Variants in PDE11A observed in about 807,000 individuals in gnomAD.
The protein encoded by PDE11A is dual 3',5'-cyclic-AMP and -GMP phosphodiesterase 11A.
PDE11A carries 100 observed loss-of-function variants against 100.5 expected under a neutral mutation model. The ratio of observed to expected loss-of-function variants is 1.00; its 90% CI spans 0.85 to 1.18. The LOEUF is 1.18. PDE11A is among the 50% of genes most tolerant of loss of function. The pLI, the probability that PDE11A is intolerant of heterozygous loss-of-function variation, is 0.00. For synonymous variants in PDE11A, 381 were observed against 420.8 expected (o/e 0.91, Z 1.16); for missense variants, 1,141 against 1,152.6 (o/e 0.99, Z 0.15).
intron 5 of PDE11A, among the ~76,000 whole-genome samples, chr2:177,875,034 G>A (rs1162373274): frequency 6.6e-6 from 1 of 152,074 alleles, no homozygotes; most frequent in Admixed American, 6.6e-5. Flanking sequence ...AACCAGCCTG[G>A]CCAACATGGT....
rs148622401 is a variant in PDE11A, at chr2:177,637,332, G to A, written c.2647-7770C>T. On this transcript the variant is annotated intron_variant, in intron 19 of 19. Transcript: ENST00000286063. ...TCCTTCCCTAGAGAACTAATCCTTC[G>A]CCACTCAGCTCACATTCTGTCTTCT... 1.6e-3 allele frequency among the ~76,000 whole-genome samples: 238 copies of A among 152,080 alleles called. 1 individual carries two copies. Among genetic ancestry groups the A allele is most frequent in the Middle Eastern group, 3.4e-3 (1 of 294 alleles).
At chr2:177,781,256 T>C (rs1426859766) in intron 9 of PDE11A, among the ~76,000 whole-genome samples, 2 of 152,160 alleles carry the variant, frequency 1.3e-5, no homozygotes, top group African/African-American at 4.8e-5. Flanking sequence ...ATTTATCAAT[T>C]AAGTTTACCG....
intron 19 of PDE11A, among the ~76,000 whole-genome samples, chr2:177,634,100 A>G (rs1308815113): frequency 6.6e-6 from 1 of 152,170 alleles, no homozygotes; most frequent in Non-Finnish European, 1.5e-5. Context: ...CATGATTCGA[A>G]TCATTCCACC....
At chr2:177,690,782 G>C (rs900926271) in intron 15 of PDE11A, among the ~76,000 whole-genome samples, 3 of 152,154 alleles carry the variant, frequency 2.0e-5, no homozygotes, top group Non-Finnish European at 4.4e-5. Flanking sequence ...AAAGCATTGA[G>C]CACCCAAGTG....
chr2:177,780,412 G>A lies in PDE11A; in HGVS notation c.1738-11039C>T, dbSNP rs139011725. Among the ~76,000 whole-genome samples, 1,056 of 152,126 alleles carry A rather than the reference G, an allele frequency of 6.9e-3. 16 individuals carry two copies. Among genetic ancestry groups the A allele is most frequent in the African/African-American group, 0.024 (985 of 41,498 alleles). On this transcript the variant is annotated intron_variant, in intron 9 of 19. Coordinates refer to ENST00000286063, the MANE Select transcript of PDE11A (RefSeq NM_016953.4). ...GATTTAGCATAATTCTTAAGGGCCCGAGGATTTTCAAAATGGTAAATAAGC... is the reference window on the plus strand; with the variant it reads ...GATTTAGCATAATTCTTAAGGGCCCAAGGATTTTCAAAATGGTAAATAAGC...
intron 1 of PDE11A, among the ~76,000 whole-genome samples, chr2:178,052,565 G>A (rs1366128779): frequency 3.3e-5 from 5 of 151,828 alleles, no homozygotes; most frequent in African/African-American, 9.7e-5. Context: ...AAAAATCAAT[G>A]AATCCAGGAG....
At chr2:177,745,259 G>A (rs2081932764) in intron 10 of PDE11A, among the ~76,000 whole-genome samples, 1 of 152,204 alleles carries the variant, frequency 6.6e-6, no homozygotes, top group African/African-American at 2.4e-5. Context: ...AGGTCTTTGG[G>A]AGAGTTAGCA....
At chr2:177,910,613 C>A (rs556952159) in intron 2 of PDE11A, among the ~76,000 whole-genome samples, 16 of 151,388 alleles carry the variant, frequency 1.1e-4, no homozygotes, top group African/African-American at 2.9e-4. Flanking sequence ...CACGCTTGTG[C>A]AGCACTTTTC....
intron 1 of PDE11A, among the ~76,000 whole-genome samples, chr2:178,051,798 A>G (rs905047991): frequency 3.7e-4 from 57 of 152,240 alleles, no homozygotes; most frequent in African/African-American, 1.3e-3. Context: ...GGATCAATTC[A>G]ACAAGAAGAG....
intron 1 of PDE11A, among the ~76,000 whole-genome samples, chr2:178,067,289 T>C (rs927497091): frequency 6.6e-6 from 1 of 152,188 alleles, no homozygotes; most frequent in African/African-American, 2.4e-5. Context: ...ACCACTTTGA[T>C]CATGCTAAGA....
intron 19 of PDE11A, among the ~76,000 whole-genome samples, chr2:177,658,511 CCTCT>C (rs893838437): frequency 1.3e-5 from 2 of 151,226 alleles, no homozygotes; most frequent in Admixed American, 1.3e-4. Flanking sequence ...TTTTTCCCTC[CCTCT>C]CTCTCTCCTT....
rs2081946182 is a variant in PDE11A, at chr2:177,746,269, G to C, written c.1789-18097C>G. 2.6e-5 allele frequency among the ~76,000 whole-genome samples: 4 copies of C among 152,154 alleles called. No homozygotes were observed. In the South Asian group the frequency reaches 6.2e-4, roughly 24 times the overall value. On this transcript the variant is annotated intron_variant, in intron 10 of 19. Transcript: ENST00000286063. ...CTGAAGTAGTGAGTTGGAAGATTAAGTGGAAGAAATATACTGAAGCATAGA... is the reference window on the plus strand; with the variant it reads ...CTGAAGTAGTGAGTTGGAAGATTAACTGGAAGAAATATACTGAAGCATAGA...
At chr2:177,649,413 T>A (rs570228903) in intron 19 of PDE11A, among the ~76,000 whole-genome samples, 8 of 152,290 alleles carry the variant, frequency 5.3e-5, no homozygotes, top group Non-Finnish European at 8.8e-5. Context: ...TTTTTCATCT[T>A]TAAAATCTAA....
intron 2 of PDE11A, among the ~76,000 whole-genome samples, chr2:177,911,777 A>C (rs973784817): frequency 1.3e-5 from 2 of 151,920 alleles, no homozygotes; most frequent in African/African-American, 2.4e-5. Context: ...CCAGCTACTC[A>C]GGAGGCTGAG....
At chr2:178,054,393 C>A (rs944342249) in intron 1 of PDE11A, among the ~76,000 whole-genome samples, 4 of 152,138 alleles carry the variant, frequency 2.6e-5, no homozygotes, top group African/African-American at 9.7e-5. Flanking sequence ...ACCATAAAAA[C>A]CCTAGAAGAA....
intron 13 of PDE11A, among the ~76,000 whole-genome samples, chr2:177,710,055 G>A (rs961927764): frequency 1.3e-5 from 2 of 152,054 alleles, no homozygotes; most frequent in Non-Finnish European, 2.9e-5. Flanking sequence ...TTCAAGATGC[G>A]GGGGAGCTGT....
chr2:177,948,503 C>T (rs12612164), intron 2 of PDE11A, among the ~76,000 whole-genome samples: 23,860 of 152,160 alleles, frequency 0.16, 1,927 homozygotes, highest in Middle Eastern at 0.27. Flanking sequence ...GTTTATTTTT[C>T]ATTAACTTTC....
rs150377548 is a variant in PDE11A at position 178,008,640 on chromosome 2, T to G, written c.1071+5662A>C. Among the ~76,000 whole-genome samples, 1,162 of 152,248 alleles carry G rather than the reference T, an allele frequency of 7.6e-3. 21 individuals carry two copies. Among genetic ancestry groups the G allele is most frequent in the African/African-American group, 0.027 (1,106 of 41,528 alleles). On this transcript the variant is annotated intron_variant, in intron 2 of 19. Coordinates refer to ENST00000286063, the MANE Select transcript of PDE11A (RefSeq NM_016953.4). ...ATGTGAGGCTAGGAGTTTATAAAAT[T>G]TTCCCTATTATCTGGCTGTGAGTCT...
intron 4 of PDE11A, among the ~76,000 whole-genome samples, chr2:177,881,959 C>T (rs771654989): frequency 1.3e-5 from 2 of 152,166 alleles, no homozygotes; most frequent in African/African-American, 2.4e-5. Flanking sequence ...TTAATATTCC[C>T]ATGTAATATA....
Sources: gnomAD v4.1 joint callset for allele counts (sites outside exome capture counted in the v4.1 genomes callset) on GRCh38, gnomAD v4.1.1 for gene constraint, MANE v1.5 for transcripts, NCBI Gene and HGNC (gene_info 2026-07-23, HGNC 2026-07-21) for gene names.